Variants in RASIP1 observed in about 807,000 individuals in gnomAD.
The protein encoded by RASIP1 is ras-interacting protein 1.
In RASIP1, 20 loss-of-function variants were observed where a neutral mutation model predicts 85.3. The observed-to-expected ratio is 0.23, with a 90% CI of 0.17 to 0.34. The LOEUF (loss-of-function observed/expected upper bound fraction) is 0.34, where lower values mean the gene tolerates loss of function less well. Among genes scored for constraint, RASIP1 ranks in the 10% least tolerant of loss-of-function variants. RASIP1 has a pLI of 1.00. For missense variants in RASIP1, 1,170 were observed against 1,390.9 expected (o/e 0.84, Z 2.53); for synonymous variants, 617 against 647.1 (o/e 0.95, Z 0.71).
chr19:48,726,459 C>T (rs1256081853), intron 8 of RASIP1, among the ~76,000 whole-genome samples: 2 of 152,162 alleles, frequency 1.3e-5, no homozygotes, highest in East Asian at 3.8e-4. Context: ...CTCCTGACCT[C>T]AAGTGATCCA....
chr19:48,739,548 C>A lies in RASIP1; in HGVS notation c.235G>T (p.Gly79Trp), dbSNP rs965882501. The A allele has an allele frequency of 1.3e-6, 2 of 1,514,822 alleles. No individual in the cohort carries two copies. Among genetic ancestry groups the A allele is most frequent in the Admixed American group, 2.0e-5 (1 of 49,820 alleles). 93.8% of individuals were successfully genotyped at this position (1,514,822 alleles called of 1,614,324 possible). A position where few individuals can be genotyped will look rare whatever the true frequency, so the allele number is the denominator to read the frequency against. The change falls in exon 3 of 12, where the codon GGG becomes TGG. Residue 79 changes from glycine to tryptophan, a missense_variant. Transcript: ENST00000222145. This position sits in a 1 kb window ranked among gnomAD's most constrained non-coding sequence, Gnocchi z 9.2. ...LRRVGAVKAAGGASGSRAKRI... is the reference protein window; with the variant it reads ...LRRVGAVKAAWGASGSRAKRI... ...TTGGCGCGGCTACCGGAGGCTCCCC[C>A]GGCCGCCTTGACAGCGCCCACTCGC... is the stretch of plus-strand genomic sequence containing the variant.
rs1237399491 is a variant in RASIP1, at chr19:48,740,357, T to C, written c.-4-71A>G. ...GGGATGGGGTGGAGGGAACCTGGACTCCGAGTCAGAGGGAGGAGGGGGCTG... is the reference window on the plus strand; with the variant it reads ...GGGATGGGGTGGAGGGAACCTGGACCCCGAGTCAGAGGGAGGAGGGGGCTG... On this transcript the variant is annotated intron_variant, in intron 1 of 11. Coordinates refer to ENST00000222145, the MANE Select transcript of RASIP1 (RefSeq NM_017805.3). The surrounding 1 kb of genome is among the most constrained non-coding windows in gnomAD (Gnocchi z 5.5). 4.7e-6 allele frequency: 7 copies of C among 1,501,140 alleles called. No individual in the cohort carries two copies. In the East Asian group the frequency reaches 1.8e-4, roughly 38 times the overall value. 93.0% of individuals were successfully genotyped at this position (1,501,140 alleles called of 1,614,324 possible).
At position 48,727,162 on chromosome 19, in the gene RASIP1, G is replaced by A. The variant is rs758285190; in HGVS notation, c.1872-4C>T. On this transcript the variant is annotated splice_polypyrimidine_tract_variant and splice_region_variant and intron_variant, in intron 6 of 11. Transcript: ENST00000222145. ...CTCGGGGACCCCCTCAGGGTGGCTTGAAAAAGAGGAAGGAATTTGTGATCC... is the reference window on the plus strand; with the variant it reads ...CTCGGGGACCCCCTCAGGGTGGCTTAAAAAAGAGGAAGGAATTTGTGATCC... 4.7e-5 allele frequency: 76 copies of A among 1,612,962 alleles called. No homozygotes were observed. In the South Asian group the frequency reaches 7.9e-4, roughly 17 times the overall value.
Position 48,740,481 on chromosome 19 carries a change from A to C in RASIP1, c.-5+40T>G. On this transcript the variant is annotated intron_variant, in intron 1 of 11. Coordinates refer to ENST00000222145, the MANE Select transcript of RASIP1 (RefSeq NM_017805.3). This position sits in a 1 kb window ranked among gnomAD's most constrained non-coding sequence, Gnocchi z 5.5. ...GCTGGGGGACTGAGTCTTGGGGCCC[A>C]GGGAGGAGGGGTTTGGGCTGCTGGG... The C allele has an allele frequency of 1.4e-6, 2 of 1,401,444 alleles. No homozygotes were observed. Among genetic ancestry groups the C allele is most frequent in the South Asian group, 1.7e-5 (1 of 60,534 alleles). The allele number at this position is 1,401,444 out of a possible 1,614,324, so 86.8% of individuals were successfully genotyped here.
rs1180488472 is a variant in RASIP1 at position 48,720,959 on chromosome 19, T to C, written c.2731A>G (p.Ile911Val). The C allele has an allele frequency of 6.2e-7, 1 of 1,611,210 alleles. No homozygotes were observed. The highest frequency in any genetic ancestry group is 8.5e-7 in the Non-Finnish European group (1 of 1,178,938). The change falls in exon 12 of 12, where the codon ATC becomes GTC. Residue 911 changes from isoleucine to valine, a missense_variant. Around this residue, in one of 4 missense-constraint regions of RASIP1, gnomAD observed 144 missense variants for 125.5 expected, o/e 1.15. Coordinates refer to ENST00000222145, the MANE Select transcript of RASIP1 (RefSeq NM_017805.3). ...AGGCGCGAGCTCCCCAGGGGGAGGA[T>C]GAGGGGCGGGTGCGAGGAGAAGCTT... ...FESFSSHPPLILPLGSSRLRL... is the reference protein window; with the variant it reads ...FESFSSHPPLVLPLGSSRLRL...
In RASIP1 at chr19:48,740,543, C is replaced by G; in HGVS notation, c.-27G>C. On this transcript the variant is annotated 5_prime_UTR_variant, in exon 1 of 12. Coordinates refer to ENST00000222145, the MANE Select transcript of RASIP1 (RefSeq NM_017805.3). This position sits in a 1 kb window ranked among gnomAD's most constrained non-coding sequence, Gnocchi z 5.5. The stretch of plus-strand genomic sequence containing the variant: ...TACCCTGCTTCGGGTCCGGCACACC[C>G]GGAGGCCCTGGCTCCACTGGCCTGG... 7.2e-7 allele frequency: 1 copy of G among 1,386,222 alleles called. No individual in the cohort carries two copies. The highest frequency in any genetic ancestry group is 9.3e-7 in the Non-Finnish European group (1 of 1,076,334). The allele number at this position is 1,386,222 out of a possible 1,614,324, so 85.9% of individuals were successfully genotyped here. A position where few individuals can be genotyped will look rare whatever the true frequency, so the allele number is the denominator to read the frequency against.
chr19:48,725,074 G>T, intron 8 of RASIP1, 114 bp from the exon 9 acceptor site: 1 of 1,319,394 alleles, frequency 7.6e-7, no homozygotes, highest in Non-Finnish European at 1.0e-6. Context: ...GGGAGTTGTA[G>T]TCCATTCTAC....
rs1329888930 is a variant in RASIP1, at chr19:48,728,923, T to C, written c.1833+14A>G. The C allele has an allele frequency of 1.4e-6, 2 of 1,433,120 alleles. No individual in the cohort carries two copies. The highest frequency in any genetic ancestry group is 3.0e-5 in the African/African-American group (2 of 66,000). The allele number at this position is 1,433,120 out of a possible 1,614,324, so 88.8% of individuals were successfully genotyped here. A position where few individuals can be genotyped will look rare whatever the true frequency, so the allele number is the denominator to read the frequency against. The stretch of plus-strand genomic sequence containing the variant: ...GGCGCTGGTGGGGCTGGACGGCGAT[T>C]GGGGGGCGCTCACCCAGACGGCCTC... On this transcript the variant is annotated intron_variant, in intron 5 of 11. Transcript: ENST00000222145.
intron 10 of RASIP1, among the ~76,000 whole-genome samples, chr19:48,722,654 T>C (rs1226132830): frequency 1.3e-5 from 2 of 152,140 alleles, no homozygotes; most frequent in Non-Finnish European, 2.9e-5. Flanking sequence ...CTGATGTAGC[T>C]GACGTCAGAA....
Position 48,729,144 on chromosome 19 carries a change from C to T in RASIP1, c.1626G>A (p.Glu542=). The T allele has an allele frequency of 7.5e-7, 1 of 1,335,502 alleles. No homozygotes were observed. Among genetic ancestry groups the T allele is most frequent in the Admixed American group, 3.8e-5 (1 of 26,398 alleles). 82.7% of individuals were successfully genotyped at this position (1,335,502 alleles called of 1,614,324 possible). The change falls in exon 5 of 12, where the codon GAG becomes GAA. Residue 542 remains glutamate (E), a synonymous_variant. Coordinates refer to ENST00000222145, the MANE Select transcript of RASIP1 (RefSeq NM_017805.3). ...EALAAYLDGR[E]PVLRFRPREE... ...CGCGCGGCCGGAAGCGCAGGACTGG[C>T]TCACGGCCGTCCAGGTAGGCGGCCA...
intron 10 of RASIP1, 59 bp from the exon 11 acceptor site, chr19:48,722,060 T>C: frequency 1.5e-6 from 2 of 1,330,782 alleles, no homozygotes; most frequent in Non-Finnish European, 2.0e-6. Flanking sequence ...AGAAATGAAA[T>C]GGAAGGGCTT....
intron 4 of RASIP1, among the ~76,000 whole-genome samples, chr19:48,734,916 G>T (rs1488792500): frequency 6.6e-6 from 1 of 152,148 alleles, no homozygotes; most frequent in East Asian, 1.9e-4. Flanking sequence ...GCCTGGCGGG[G>T]ATCTTCTTTC....
intron 6 of RASIP1, 83 bp downstream of exon 6, chr19:48,727,310 G>A: frequency 6.4e-7 from 1 of 1,551,170 alleles, no homozygotes; most frequent in African/African-American, 1.4e-5. Flanking sequence ...TTGCACTGGG[G>A]CATGCATGGG....
At chr19:48,730,886 G>A (rs529059854) in intron 4 of RASIP1, among the ~76,000 whole-genome samples, 117 of 152,234 alleles carry the variant, frequency 7.7e-4, no homozygotes, top group African/African-American at 1.1e-3. Context: ...GCATGGTGGC[G>A]CATGACTGTA....
chr19:48,729,871 C>T (rs1231299294), intron 4 of RASIP1, among the ~76,000 whole-genome samples: 10 of 151,926 alleles, frequency 6.6e-5, no homozygotes, highest in African/African-American at 2.4e-4. Flanking sequence ...CCTGCCACCA[C>T]ACCCGGCTAA....
rs545187119 is a variant in RASIP1, at chr19:48,740,537, C to T, written c.-21G>A. On this transcript the variant is annotated 5_prime_UTR_variant, in exon 1 of 12. Coordinates refer to ENST00000222145, the MANE Select transcript of RASIP1 (RefSeq NM_017805.3). The surrounding 1 kb of genome is among the most constrained non-coding windows in gnomAD (Gnocchi z 5.5). Reference sequence around the variant, plus strand: ...GGCTCTTACCCTGCTTCGGGTCCGGCACACCCGGAGGCCCTGGCTCCACTG... The same window carrying T: ...GGCTCTTACCCTGCTTCGGGTCCGGTACACCCGGAGGCCCTGGCTCCACTG... 75 of 1,387,000 alleles carry T rather than the reference C, an allele frequency of 5.4e-5. No homozygotes were observed. The highest frequency in any genetic ancestry group is 6.6e-5 in the Non-Finnish European group (71 of 1,077,330). The allele number at this position is 1,387,000 out of a possible 1,614,324, so 85.9% of individuals were successfully genotyped here.
Position 48,740,304 on chromosome 19 carries a change from A to G in RASIP1, c.-4-18T>C, listed in dbSNP as rs1335248615. 4 of 1,566,742 alleles carry G rather than the reference A, an allele frequency of 2.6e-6. No individual in the cohort carries two copies. The highest frequency in any genetic ancestry group is 3.4e-6 in the Non-Finnish European group (4 of 1,161,106). ...GCATGGCCCTAAGGGAAGGCGGGTAAGGCCCCAACTCCTAAGGCATTCTTG... is the reference window on the plus strand; with the variant it reads ...GCATGGCCCTAAGGGAAGGCGGGTAGGGCCCCAACTCCTAAGGCATTCTTG... On this transcript the variant is annotated intron_variant, in intron 1 of 11. Transcript: ENST00000222145. This position sits in a 1 kb window ranked among gnomAD's most constrained non-coding sequence, Gnocchi z 5.5.
rs2033407759 is a variant in RASIP1 at position 48,729,517 on chromosome 19, C to T, written c.1253G>A (p.Gly418Glu). The T allele has an allele frequency of 1.9e-6, 3 of 1,598,390 alleles. No homozygotes were observed. Among genetic ancestry groups the T allele is most frequent in the African/African-American group, 1.3e-5 (1 of 74,652 alleles). Residue 418 changes from glycine (G) to glutamate (E), a missense_variant, in exon 5 of 12, where the codon GGG (glycine) becomes GAG (glutamate). Gly to Glu is a moderately conservative substitution (Grantham distance 98). Around this residue, in one of 4 missense-constraint regions of RASIP1, gnomAD observed 301 missense variants for 294.8 expected, o/e 1.02. Transcript: ENST00000222145. ...GGTGTCCACATAGGGAGCCGGGGACCCCCCGCGGCCAGACGAGTTCCCACC... is the reference window on the plus strand; with the variant it reads ...GGTGTCCACATAGGGAGCCGGGGACTCCCCGCGGCCAGACGAGTTCCCACC... ...GRGGNSSGRGGSPAPYVDTFL... is the reference protein window; with the variant it reads ...GRGGNSSGRGESPAPYVDTFL...
In RASIP1 at chr19:48,739,102, G is replaced by C. The variant is rs761554100; in HGVS notation, c.681C>G (p.Arg227=). The part of the protein sequence containing the change: ...GSGEWRAEHL[R]VLGDSERPLL... Reference sequence around the variant, plus strand: ...GCGGGCGCTCGGAGTCGCCCAGCACGCGCAGGTGCTCCGCCCGCCACTCGC... The same window carrying C: ...GCGGGCGCTCGGAGTCGCCCAGCACCCGCAGGTGCTCCGCCCGCCACTCGC... The change falls in exon 3 of 12, where the codon CGC becomes CGG. Residue 227 remains arginine (R), a synonymous_variant. Transcript: ENST00000222145. This position sits in a 1 kb window ranked among gnomAD's most constrained non-coding sequence, Gnocchi z 9.2. 9 of 1,319,326 alleles carry C rather than the reference G, an allele frequency of 6.8e-6. No homozygotes were observed. The South Asian group carries it at 1.9e-4, about 27-fold the overall frequency. The allele number at this position is 1,319,326 out of a possible 1,614,324, so 81.7% of individuals were successfully genotyped here.
Sources: gnomAD v4.1 joint callset for allele counts (sites outside exome capture counted in the v4.1 genomes callset) on GRCh38, gnomAD v4.1.1 for gene constraint, gnomAD v4.1.1 regional missense constraint, Gnocchi (gnomAD v3.1) non-coding constraint, MANE v1.5 for transcripts, NCBI Gene and HGNC (gene_info 2026-07-23, HGNC 2026-07-21) for gene names.